SMG1: variants seen among roughly 807,000 people sequenced by gnomAD.
SMG1 encodes serine/threonine-protein kinase SMG1.
In SMG1, 22 loss-of-function variants were observed where a neutral mutation model predicts 419.9. The ratio of observed to expected loss-of-function variants is 0.05; its 90% CI spans 0.04 to 0.07. SMG1 has a LOEUF of 0.07. SMG1 is among the 10% of genes least tolerant of loss of function. The pLI, the probability that SMG1 is intolerant of heterozygous loss-of-function variation, is 1.00. For synonymous variants in SMG1, 1,538 were observed against 1,553.5 expected (o/e 0.99, Z 0.23); for missense variants, 3,185 against 4,342.0 (o/e 0.73, Z 7.49).
At chr16:18,895,065 T>G (rs1400366983) in intron 3 of SMG1, among the ~76,000 whole-genome samples, 1 of 151,736 alleles carries the variant, frequency 6.6e-6, no homozygotes, top group Non-Finnish European at 1.5e-5. Context: ...GATCCGCCCG[T>G]CTCAGCCTCC....
chr16:18,862,106 C>T (rs2035249447), intron 25 of SMG1, among the ~76,000 whole-genome samples: 1 of 152,154 alleles, frequency 6.6e-6, no homozygotes, highest in Non-Finnish European at 1.5e-5. Context: ...TCAAGCTTTT[C>T]ATTTTCAAAT....
chr16:18,839,868 G>C lies in SMG1; in HGVS notation c.6775C>G (p.Pro2259Ala), dbSNP rs1410229610. ...CTAAGCCCAACTGTTTTCAAAGCAGGGCCAATTTTACTGTAATAAAGTTCA... is the reference window on the plus strand; with the variant it reads ...CTAAGCCCAACTGTTTTCAAAGCAGCGCCAATTTTACTGTAATAAAGTTCA... ...PSELYYSKIG[P>A]ALKTVGLSLD... Residue 2259 changes from proline (P) to alanine (A), a missense_variant, in exon 42 of 63, where the codon CCT (proline) becomes GCT (alanine). Pro to Ala is a conservative substitution (Grantham distance 27). This residue lies in a region of SMG1 where 132 missense variants were observed against 151.0 expected (regional missense o/e 0.87). Transcript: ENST00000446231. 8.1e-6 allele frequency: 13 copies of C among 1,612,694 alleles called. No homozygotes were observed. Among genetic ancestry groups the C allele is most frequent in the Non-Finnish European group, 1.1e-5 (13 of 1,179,360 alleles).
intron 9 of SMG1, among the ~76,000 whole-genome samples, chr16:18,883,679 G>A (rs1344133230): frequency 5.3e-5 from 8 of 152,302 alleles, no homozygotes; most frequent in African/African-American, 1.9e-4. Context: ...AGCACTTTGG[G>A]AGGCCGATGC....
At chr16:18,859,350 T>C in intron 27 of SMG1, 169 bp from the exon 28 acceptor site, 1 of 674,038 alleles carries the variant, frequency 1.5e-6, no homozygotes, top group Non-Finnish European at 2.5e-6. Context: ...CATTTGCTTT[T>C]GGGGATTTTT....
At position 18,882,014 on chromosome 16, in the gene SMG1, A is replaced by G. The variant is rs927768094; in HGVS notation, c.1293+151T>C. ...TTCCCTACTTTTCTAGTTATTCAAG[A>G]AAACAGTCAGACAATATATACATAT... On this transcript the variant is annotated intron_variant, in intron 10 of 62. Coordinates refer to ENST00000446231, the MANE Select transcript of SMG1 (RefSeq NM_015092.5). 14 of 461,148 alleles carry G rather than the reference A, an allele frequency of 3.0e-5. 1 individual carries two copies. The highest frequency in any genetic ancestry group is 1.2e-4 in the African/African-American group (6 of 49,308). 28.6% of individuals were successfully genotyped at this position (461,148 alleles called of 1,614,324 possible). A position where few individuals can be genotyped will look rare whatever the true frequency, so the allele number is the denominator to read the frequency against.
Position 18,841,624 on chromosome 16 carries a change from G to A in SMG1, c.6637C>T (p.Pro2213Ser), listed in dbSNP as rs780605322. ...CATCGTTTGTAAAGACCAAATAAGG[G>A]TGTGGCTCCATCTACCCACTGGATT... ...GLIQWVDGAT[P>S]LFGLYKRWQQ... Residue 2213 changes from proline to serine, a missense_variant, in exon 41 of 63, where the codon CCC becomes TCC. Transcript: ENST00000446231. The A allele has an allele frequency of 6.2e-7, 1 of 1,613,960 alleles. No homozygotes were observed. Among genetic ancestry groups the A allele is most frequent in the East Asian group, 2.2e-5 (1 of 44,882 alleles).
chr16:18,919,918 G>A (rs905674675), intron 1 of SMG1, among the ~76,000 whole-genome samples: 10 of 151,636 alleles, frequency 6.6e-5, no homozygotes, highest in East Asian at 2.0e-4. Flanking sequence ...CCAACATGGC[G>A]AAACCCTGTC....
At position 18,885,131 on chromosome 16, in the gene SMG1, A is replaced by G; in HGVS notation, c.980T>C (p.Ile327Thr). 8.8e-7 allele frequency: 1 copy of G among 1,135,856 alleles called. No individual in the cohort carries two copies. The highest frequency in any genetic ancestry group is 1.3e-5 in the South Asian group (1 of 76,344). The allele number at this position is 1,135,856 out of a possible 1,614,324, so 70.4% of individuals were successfully genotyped here. ...DTVDILVGWHIDHTQKPSLTQ... is the reference protein window; with the variant it reads ...DTVDILVGWHTDHTQKPSLTQ... ...GAGCGAAGGTTTCTGAGTATGATCT[A>G]TATGCCATCCAACTAATATATCAAC... is the stretch of plus-strand genomic sequence containing the variant. Residue 327 changes from isoleucine to threonine, a missense_variant, in exon 8 of 63, where the codon ATA becomes ACA. Around this residue, in one of 27 missense-constraint regions of SMG1, gnomAD observed 27 missense variants for 59.4 expected, o/e 0.45. Transcript: ENST00000446231.
At chr16:18,903,368 C>G (rs374371280) in intron 1 of SMG1, among the ~76,000 whole-genome samples, 2 of 152,262 alleles carry the variant, frequency 1.3e-5, no homozygotes, top group East Asian at 3.9e-4. Context: ...CATCCATGCC[C>G]CAGTGCTCCT....
chr16:18,885,670 A>C lies in SMG1; in HGVS notation c.823-4T>G, dbSNP rs1417190981. On this transcript the variant is annotated splice_polypyrimidine_tract_variant and splice_region_variant and intron_variant, in intron 6 of 62. Coordinates refer to ENST00000446231, the MANE Select transcript of SMG1 (RefSeq NM_015092.5). ...ACTGCAGGCTGGTCATTACAAGCTTAAAAATAAAAAGTTACAAACCGTGAA... is the reference window on the plus strand; with the variant it reads ...ACTGCAGGCTGGTCATTACAAGCTTCAAAATAAAAAGTTACAAACCGTGAA... The C allele has an allele frequency of 6.3e-7, 1 of 1,595,894 alleles. No individual in the cohort carries two copies. The highest frequency in any genetic ancestry group is 1.3e-5 in the African/African-American group (1 of 74,844).
chr16:18,854,590 C>T, intron 30 of SMG1, 66 bp downstream of exon 30: 1 of 1,430,378 alleles, frequency 7.0e-7, no homozygotes, highest in Non-Finnish European at 9.5e-7. Context: ...ACCATACATA[C>T]ACAGTAACAT....
At chr16:18,851,529 A>G (rs911836496) in intron 33 of SMG1, among the ~76,000 whole-genome samples, 3 of 152,264 alleles carry the variant, frequency 2.0e-5, no homozygotes, top group East Asian at 3.8e-4. Flanking sequence ...TAATTAAAAA[A>G]TAAATGTAAT....
intron 22 of SMG1, among the ~76,000 whole-genome samples, chr16:18,867,778 G>C (rs1170930829): frequency 1.5e-5 from 2 of 136,974 alleles, no homozygotes; most frequent in South Asian, 2.3e-4. Context: ...GTGCGATCTC[G>C]GTTCACTGCA....
At chr16:18,818,868 A>G (rs1596465461) in intron 56 of SMG1, among the ~76,000 whole-genome samples, 1 of 147,000 alleles carries the variant, frequency 6.8e-6, no homozygotes, top group Non-Finnish European at 1.5e-5. Context: ...CCAGGCTGGA[A>G]TTCAGTGGCA....
chr16:18,814,595 GAC>G (rs758324069), intron 60 of SMG1, among the ~76,000 whole-genome samples: 1 of 151,838 alleles, frequency 6.6e-6, no homozygotes, highest in Non-Finnish European at 1.5e-5. Flanking sequence ...ATTTTTTTGA[GAC>G]AGAGTCTTGC....
At chr16:18,847,350 C>A (rs1302291845) in intron 38 of SMG1, 103 bp downstream of exon 38, 2 of 1,267,708 alleles carry the variant, frequency 1.6e-6, no homozygotes, top group Non-Finnish European at 2.2e-6. Flanking sequence ...TTTAATGCCA[C>A]TGAATTGTAC....
Position 18,926,174 on chromosome 16 carries a change from G to C in SMG1, c.-133C>G. On this transcript the variant is annotated 5_prime_UTR_variant, in exon 1 of 63. Coordinates refer to ENST00000446231, the MANE Select transcript of SMG1 (RefSeq NM_015092.5). ...AGCCGAGAAGGAGGAGGAGGAGGAGGAGGAGGAGAAGGAGGAGGCGGCGGA... is the reference window on the plus strand; with the variant it reads ...AGCCGAGAAGGAGGAGGAGGAGGAGCAGGAGGAGAAGGAGGAGGCGGCGGA... 1 of 759,256 alleles carries C rather than the reference G, an allele frequency of 1.3e-6. No individual in the cohort carries two copies. Among genetic ancestry groups the C allele is most frequent in the South Asian group, 1.9e-5 (1 of 52,196 alleles). 47.0% of individuals were successfully genotyped at this position (759,256 alleles called of 1,614,324 possible).
intron 5 of SMG1, 106 bp downstream of exon 5, chr16:18,890,757 G>C: frequency 1.5e-6 from 1 of 664,472 alleles, no homozygotes; most frequent in South Asian, 1.7e-5. Context: ...AATGTCAATA[G>C]ATGTTCATAA....
Position 18,919,657 on chromosome 16 carries a change from TACACACACACACACACAC to T in SMG1, c.92+6275_92+6292del, listed in dbSNP as rs368125844. Among the ~76,000 whole-genome samples the T allele has an allele frequency of 7.8e-4, 98 of 125,810 alleles. 1 individual carries two copies. Among genetic ancestry groups the T allele is most frequent in the Admixed American group, 1.5e-3 (19 of 12,356 alleles). The allele number at this position is 125,810 out of a possible 152,430, so 82.5% of individuals were successfully genotyped here. A position where few individuals can be genotyped will look rare whatever the true frequency, so the allele number is the denominator to read the frequency against. On this transcript the variant is annotated intron_variant, in intron 1 of 62. Transcript: ENST00000446231. ...AAATGTGTGTGTGTGTGTGTATATA[TACACACACACACACACAC>T]ACACACACACACACACACACACACA...
Sources: gnomAD v4.1 joint callset for allele counts (sites outside exome capture counted in the v4.1 genomes callset) on GRCh38, gnomAD v4.1.1 for gene constraint, gnomAD v4.1.1 regional missense constraint, MANE v1.5 for transcripts, NCBI Gene and HGNC (gene_info 2026-07-23, HGNC 2026-07-21) for gene names.